The following SLC4A4 variants were observed in gnomAD, a reference collection of about 807,000 sequenced individuals.
The protein encoded by SLC4A4 is solute carrier family 4 member 4.
In SLC4A4, 27 loss-of-function variants were observed where a neutral mutation model predicts 111.5. That is an observed-to-expected ratio of 0.24 (90% CI 0.18 to 0.33). The LOEUF is 0.33. SLC4A4 is among the 10% of genes least tolerant of loss of function. The pLI is 1.00. For missense variants in SLC4A4, 909 were observed against 1,315.5 expected (o/e 0.69, Z 4.78); for synonymous variants, 443 against 463.4 (o/e 0.96, Z 0.57).
chr4:71,404,891 G>A (rs534143883), intron 7 of SLC4A4, among the ~76,000 whole-genome samples: 4 of 151,972 alleles, frequency 2.6e-5, no homozygotes, highest in Non-Finnish European at 5.9e-5. Flanking sequence ...CACCTTTTGG[G>A]CTTAAGCTAT....
At chr4:71,443,116 C>CTCTCTCTATATATATATA (rs1198759861) in intron 8 of SLC4A4, among the ~76,000 whole-genome samples, 1 of 65,654 alleles carries the variant, frequency 1.5e-5, no homozygotes, top group African/African-American at 8.7e-5. Context: ...CTCTCTCTCT[C>CTCTCTCTATATATATATA]TATATATATA....
chr4:71,192,906 C>T (rs566609768), intron 1 of SLC4A4, among the ~76,000 whole-genome samples: 29 of 152,314 alleles, frequency 1.9e-4, no homozygotes, highest in African/African-American at 7.0e-4. Flanking sequence ...ATAATGGTTA[C>T]TTTCACCTCT....
At chr4:71,325,292 A>G (rs1311547249) in intron 3 of SLC4A4, among the ~76,000 whole-genome samples, 2 of 152,054 alleles carry the variant, frequency 1.3e-5, no homozygotes, top group Non-Finnish European at 2.9e-5. Flanking sequence ...CACTTAACAC[A>G]TGGAAATTAG....
chr4:71,229,690 A>G (rs1360919812), intron 1 of SLC4A4, among the ~76,000 whole-genome samples: 1 of 151,902 alleles, frequency 6.6e-6, no homozygotes, highest in East Asian at 1.9e-4. Flanking sequence ...GTTTTGCCGC[A>G]CCGATGTCCC....
At chr4:71,365,889 C>T (rs960685778) in intron 6 of SLC4A4, among the ~76,000 whole-genome samples, 2 of 152,122 alleles carry the variant, frequency 1.3e-5, no homozygotes, top group Non-Finnish European at 2.9e-5. Flanking sequence ...AATGGAGGAA[C>T]CCAGTGTGCT....
intron 3 of SLC4A4, among the ~76,000 whole-genome samples, chr4:71,272,242 G>A (rs1442788148): frequency 6.6e-6 from 1 of 152,180 alleles, no homozygotes; most frequent in Non-Finnish European, 1.5e-5. Flanking sequence ...CTCATGTAGT[G>A]GTGCTGCTTG....
At chr4:71,385,339 C>T (rs1418243996) in intron 6 of SLC4A4, among the ~76,000 whole-genome samples, 1 of 150,862 alleles carries the variant, frequency 6.6e-6, no homozygotes, top group African/African-American at 2.4e-5. Context: ...CCTGGGATTA[C>T]AGGCATGCAC....
intron 1 of SLC4A4, among the ~76,000 whole-genome samples, chr4:71,075,882 T>G (rs1343545240): frequency 6.6e-6 from 1 of 151,690 alleles, no homozygotes; most frequent in Non-Finnish European, 1.5e-5. Context: ...GAGAATTGCT[T>G]GAACCTGGGA....
chr4:71,424,897 G>T (rs902316789), intron 7 of SLC4A4, among the ~76,000 whole-genome samples: 1 of 151,888 alleles, frequency 6.6e-6, no homozygotes, highest in South Asian at 2.1e-4. Context: ...GCTAGATGAC[G>T]AGTTAGTGGG....
chr4:71,138,806 G>A (rs1056528179), intron 2 of SLC4A4, among the ~76,000 whole-genome samples: 5 of 152,116 alleles, frequency 3.3e-5, no homozygotes, highest in Admixed American at 6.5e-5. Context: ...GGAGGCCAAG[G>A]AGGGCGGATC....
intron 2 of SLC4A4, among the ~76,000 whole-genome samples, chr4:71,162,243 C>T (rs1207372848): frequency 6.6e-6 from 1 of 152,164 alleles, no homozygotes; most frequent in Non-Finnish European, 1.5e-5. Context: ...CCACCACCGG[C>T]ATCAACATTG....
At chr4:71,547,343 C>T (rs1735625585) in intron 19 of SLC4A4, among the ~76,000 whole-genome samples, 2 of 151,888 alleles carry the variant, frequency 1.3e-5, no homozygotes, top group Non-Finnish European at 2.9e-5. Context: ...TTCAAAGAGT[C>T]CAGTAATTGA....
intron 1 of SLC4A4, among the ~76,000 whole-genome samples, chr4:71,072,870 C>T (rs1412886801): frequency 2.6e-5 from 4 of 151,994 alleles, no homozygotes; most frequent in South Asian, 2.1e-4. Flanking sequence ...TGGGCTTAAG[C>T]GATCCTCCCA....
intron 2 of SLC4A4, among the ~76,000 whole-genome samples, chr4:71,093,776 T>C (rs1294919718): frequency 1.3e-5 from 2 of 152,212 alleles, no homozygotes; most frequent in African/African-American, 2.4e-5. Flanking sequence ...ACCTACCTAT[T>C]TGTTGGTCTT....
chr4:71,087,038 A>T (rs913082235), intron 1 of SLC4A4, among the ~76,000 whole-genome samples: 1 of 151,864 alleles, frequency 6.6e-6, no homozygotes, highest in African/African-American at 2.4e-5. Context: ...CTGGTCCTGG[A>T]CTTTTTTTGG....
chr4:71,109,341 G>T (rs1338150167), intron 2 of SLC4A4, among the ~76,000 whole-genome samples: 1 of 152,010 alleles, frequency 6.6e-6, no homozygotes, highest in East Asian at 1.9e-4. Flanking sequence ...AGAGAAAAAC[G>T]AAGGGGGGAA....
intron 23 of SLC4A4, among the ~76,000 whole-genome samples, chr4:71,562,428 A>G (rs866849310): frequency 2.6e-5 from 4 of 151,736 alleles, no homozygotes; most frequent in Admixed American, 6.6e-5. Flanking sequence ...GGTTACAGCT[A>G]TAATATAATA....
intron 2 of SLC4A4, among the ~76,000 whole-genome samples, chr4:71,148,436 T>C (rs1321105394): frequency 6.6e-6 from 1 of 152,162 alleles, no homozygotes. Flanking sequence ...CATGTGCAAG[T>C]TTGTTATATA....
At chr4:71,317,294 G>A (rs1000965984) in intron 3 of SLC4A4, among the ~76,000 whole-genome samples, 28 of 152,008 alleles carry the variant, frequency 1.8e-4, no homozygotes, top group African/African-American at 6.5e-4. Context: ...CTGCCTGCGT[G>A]TGTTTATATG....
Sources: gnomAD v4.1 joint callset for allele counts (sites outside exome capture counted in the v4.1 genomes callset) on GRCh38, gnomAD v4.1.1 for gene constraint, MANE v1.5 for transcripts, NCBI Gene and HGNC (gene_info 2026-07-23, HGNC 2026-07-21) for gene names.